The following CD200 variants were observed in gnomAD, a reference collection of about 807,000 sequenced individuals.
CD200 encodes the protein OX-2 membrane glycoprotein.
In CD200, 15 loss-of-function variants were observed where a neutral mutation model predicts 30.9. The observed-to-expected ratio is 0.49, with a 90% CI of 0.32 to 0.75. CD200 has a LOEUF of 0.75. Ranked by LOEUF, CD200 falls within the 30% of genes least tolerant of loss-of-function variation. CD200 has a pLI of 0.03. For missense variants in CD200, 262 were observed against 324.2 expected (o/e 0.81, Z 1.47); for synonymous variants, 134 against 126.2 (o/e 1.06, Z -0.41).
intron 5 of CD200, among the ~76,000 whole-genome samples, chr3:112,356,177 C>T (rs183066635): frequency 8.3e-4 from 127 of 152,194 alleles, no homozygotes; most frequent in South Asian, 2.3e-3. Context: ...TCTGAGTCTC[C>T]GTGGACACTA....
chr3:112,347,532 C>G (rs1576608895), intron 3 of CD200, 26 bp from the exon 4 acceptor site: 1 of 1,610,422 alleles, frequency 6.2e-7, no homozygotes, highest in East Asian at 2.2e-5. Context: ...TAACTGATAA[C>G]AGATCATATT....
chr3:112,336,326 A>C (rs554752485), intron 1 of CD200, among the ~76,000 whole-genome samples: 1 of 152,216 alleles, frequency 6.6e-6, no homozygotes, highest in African/African-American at 2.4e-5. Flanking sequence ...GGAGAGATTT[A>C]GATCCTTGAG....
Position 112,349,702 on chromosome 3 carries a change from A to G in CD200, c.695-10A>G, listed in dbSNP as rs377603465. 6.3e-7 allele frequency: 1 copy of G among 1,595,310 alleles called. No homozygotes were observed. The highest frequency in any genetic ancestry group is 8.5e-7 in the Non-Finnish European group (1 of 1,173,510). ...TGTCATTTTCCTTTTTCTTTCTTCA[A>G]TATCTATAGGCTATTGGTTTTCAGT... On this transcript the variant is annotated splice_polypyrimidine_tract_variant and intron_variant, in intron 4 of 5. Transcript: ENST00000315711.
chr3:112,358,943 G>A (rs200928625), intron 5 of CD200, among the ~76,000 whole-genome samples: 1 of 124,122 alleles, frequency 8.1e-6, no homozygotes, highest in Non-Finnish European at 1.8e-5. Flanking sequence ...GAAAGAAAGA[G>A]AGAAACAAAA....
intron 2 of CD200, among the ~76,000 whole-genome samples, chr3:112,343,703 T>C (rs985529200): frequency 7.2e-5 from 11 of 152,350 alleles, no homozygotes; most frequent in Middle Eastern, 3.4e-3. Context: ...ATTTTTTCTT[T>C]GTAATTCTAT....
chr3:112,355,592 C>A (rs1387312574), intron 5 of CD200, among the ~76,000 whole-genome samples: 1 of 152,124 alleles, frequency 6.6e-6, no homozygotes, highest in African/African-American at 2.4e-5. Context: ...CCAAATTGGT[C>A]TTTCCCCGCT....
chr3:112,342,340 T>TC (rs1491416730), intron 2 of CD200, among the ~76,000 whole-genome samples: 4 of 9,916 alleles, frequency 4.0e-4, no homozygotes, highest in East Asian at 6.0e-3. Context: ...TTTCTTTCCT[T>TC]CTTTCTTTCT....
intron 4 of CD200, among the ~76,000 whole-genome samples, chr3:112,348,993 C>T (rs2081472666): frequency 6.6e-6 from 1 of 152,024 alleles, no homozygotes; most frequent in Non-Finnish European, 1.5e-5. Context: ...ATGCTCAAAG[C>T]ATTATGTCAA....
intron 5 of CD200, among the ~76,000 whole-genome samples, chr3:112,361,277 C>T (rs372581608): frequency 2.0e-5 from 3 of 152,040 alleles, no homozygotes; most frequent in South Asian, 2.1e-4. Flanking sequence ...AACTTCTGGG[C>T]TCAAATGATC....
chr3:112,351,388 C>G (rs1481712985), intron 5 of CD200, among the ~76,000 whole-genome samples: 4 of 152,302 alleles, frequency 2.6e-5, no homozygotes, highest in African/African-American at 9.6e-5. Context: ...CCCTCTTGGG[C>G]AAAAGTTTTA....
In CD200 at chr3:112,350,957, A is replaced by G. The variant is rs556749247; in HGVS notation, c.802+1138A>G. On this transcript the variant is annotated intron_variant, in intron 5 of 5. Transcript: ENST00000315711. ...GTGTCAGTGGCCCTTTTGCAAAAGTAGGTAAAGGTATTTGTTCTGTCCAGG... is the reference window on the plus strand; with the variant it reads ...GTGTCAGTGGCCCTTTTGCAAAAGTGGGTAAAGGTATTTGTTCTGTCCAGG... Among the ~76,000 whole-genome samples the G allele has an allele frequency of 4.2e-4, 64 of 152,336 alleles. No homozygotes were observed. The Middle Eastern group carries it at 0.014, about 32-fold the overall frequency.
chr3:112,343,932 A>G (rs1286129001), intron 2 of CD200, among the ~76,000 whole-genome samples: 1 of 152,046 alleles, frequency 6.6e-6, no homozygotes, highest in African/African-American at 2.4e-5. Context: ...ATTTTTCCTT[A>G]ATCCCTTCCA....
At chr3:112,360,733 A>G (rs1365614430) in intron 5 of CD200, among the ~76,000 whole-genome samples, 1 of 152,156 alleles carries the variant, frequency 6.6e-6, no homozygotes, top group African/African-American at 2.4e-5. Context: ...TGGTGCCAAG[A>G]TAAAATTCCA....
chr3:112,355,267 A>G (rs1268791236), intron 5 of CD200, among the ~76,000 whole-genome samples: 1 of 152,236 alleles, frequency 6.6e-6, no homozygotes, highest in African/African-American at 2.4e-5. Context: ...AAACCTGGTC[A>G]GAACCTCTGA....
At chr3:112,351,193 T>C (rs192681999) in intron 5 of CD200, among the ~76,000 whole-genome samples, 98 of 152,314 alleles carry the variant, frequency 6.4e-4, no homozygotes, top group Non-Finnish European at 1.1e-3. Flanking sequence ...AGGCTAGGAC[T>C]AAACCCCGGT....
Position 112,362,367 on chromosome 3 carries a change from A to T in CD200, c.*817A>T, listed in dbSNP as rs1442300338. The T allele has an allele frequency of 6.6e-6, 1 of 152,324 alleles. No individual in the cohort carries two copies. Among genetic ancestry groups the T allele is most frequent in the Non-Finnish European group, 1.5e-5 (1 of 68,048 alleles). 9.4% of individuals were successfully genotyped at this position (152,324 alleles called of 1,614,324 possible). A position where few individuals can be genotyped will look rare whatever the true frequency, so the allele number is the denominator to read the frequency against. ...CATGCCCTCCCTGTCCATTTGTCTTATAACATGACCCAGCCCTATTTTACG... is the reference window on the plus strand; with the variant it reads ...CATGCCCTCCCTGTCCATTTGTCTTTTAACATGACCCAGCCCTATTTTACG... On this transcript the variant is annotated 3_prime_UTR_variant, in exon 6 of 6. Transcript: ENST00000315711.
intron 2 of CD200, among the ~76,000 whole-genome samples, chr3:112,341,481 A>C (rs991160178): frequency 6.6e-6 from 1 of 152,196 alleles, no homozygotes; most frequent in Non-Finnish European, 1.5e-5. Context: ...CGAAGTTCCT[A>C]GCTCTTCCTC....
Position 112,342,515 on chromosome 3 carries a change from C to T in CD200, c.94+1532C>T, listed in dbSNP as rs532654149. On this transcript the variant is annotated intron_variant, in intron 2 of 5. Transcript: ENST00000315711. ...TCAGCTCACTGCAACCTCTGCCTCT[C>T]GGGTTCAAGCAATTCTCCTGCCTCA... Among the ~76,000 whole-genome samples the T allele has an allele frequency of 3.2e-3, 484 of 150,538 alleles. 4 individuals carry two copies. Among genetic ancestry groups the T allele is most frequent in the Middle Eastern group, 3.4e-3 (1 of 292 alleles).
At chr3:112,337,953 T>C (rs2081155905) in intron 1 of CD200, among the ~76,000 whole-genome samples, 1 of 152,226 alleles carries the variant, frequency 6.6e-6, no homozygotes, top group Non-Finnish European at 1.5e-5. Flanking sequence ...TCTATATAAA[T>C]AGTTCTTATG....
Sources: allele counts gnomAD v4.1 joint callset (sites outside exome capture counted in the v4.1 genomes callset), GRCh38; gene constraint gnomAD v4.1.1; transcripts MANE v1.5; gene names NCBI Gene and HGNC (gene_info 2026-07-23, HGNC 2026-07-21).